FLCN: variants seen among roughly 807,000 people sequenced by gnomAD.
The protein encoded by FLCN is folliculin.
In FLCN, 22 loss-of-function variants were observed where a neutral mutation model predicts 62.5. The ratio of observed to expected loss-of-function variants is 0.35; its 90% CI spans 0.25 to 0.50. FLCN has a LOEUF of 0.50. FLCN is among the 20% of genes least tolerant of loss of function. FLCN has a pLI of 0.97. For synonymous variants in FLCN, 319 were observed against 310.0 expected (o/e 1.03, Z -0.30); for missense variants, 657 against 778.0 (o/e 0.84, Z 1.85).
intron 9 of FLCN, 106 bp downstream of exon 9, chr17:17,218,913 G>T: frequency 2.3e-6 from 3 of 1,323,202 alleles, no homozygotes; most frequent in East Asian, 4.9e-5. Flanking sequence ...GTCACTTCCT[G>T]CAGGGTTTTG....
intron 1 of FLCN, chr17:17,235,790 G>C (rs528629334): frequency 6.6e-6 from 1 of 152,230 alleles, no homozygotes; most frequent in Admixed American, 6.5e-5. Flanking sequence ...AAAACAAACT[G>C]GTTTGAGTGT....
chr17:17,221,105 C>A, intron 8 of FLCN: 2 of 1,326,562 alleles, frequency 1.5e-6, no homozygotes, highest in Middle Eastern at 2.9e-4. Context: ...GATCAGGAAC[C>A]TGGGGAAGCC....
chr17:17,215,788 GT>G (rs1483161470), intron 11 of FLCN, among the ~76,000 whole-genome samples: 1 of 152,210 alleles, frequency 6.6e-6, no homozygotes, highest in Non-Finnish European at 1.5e-5. Flanking sequence ...GGGGCTCAGG[GT>G]AGCTCCACTC....
chr17:17,232,923 T>G (rs1334864710), intron 1 of FLCN, 22 bp from the exon 2 acceptor site: 1 of 151,954 alleles, frequency 6.6e-6, no homozygotes, highest in African/African-American at 2.4e-5. Context: ...AAAAAAAAAA[T>G]TAGAGCTATT....
In FLCN at chr17:17,227,166, G is replaced by T. The variant is rs1010844091; in HGVS notation, c.249+723C>A. ...CTTGGGTTCCCGTTTGCACTGCAGT[G>T]GCAGGTCCAACACCCACCCCTGATT... On this transcript the variant is annotated intron_variant, in intron 4 of 13. Transcript: ENST00000285071. 4.6e-5 allele frequency among the ~76,000 whole-genome samples: 7 copies of T among 152,188 alleles called. No homozygotes were observed. The South Asian group carries it at 1.4e-3, about 31-fold the overall frequency.
chr17:17,231,141 A>G (rs187682513), intron 3 of FLCN, among the ~76,000 whole-genome samples: 25 of 152,346 alleles, frequency 1.6e-4, no homozygotes, highest in Admixed American at 8.5e-4. Flanking sequence ...CGAAGGTTGC[A>G]GTGAGCCAAG....
At chr17:17,213,980 C>T (rs1220546946) in intron 13 of FLCN, 124 bp from the exon 14 acceptor site, 7 of 1,047,994 alleles carry the variant, frequency 6.7e-6, no homozygotes, top group Non-Finnish European at 1.0e-5. Flanking sequence ...GAGCTGGAAT[C>T]CACACCCTTG....
At chr17:17,226,801 T>C (rs746324743) in intron 4 of FLCN, among the ~76,000 whole-genome samples, 7 of 152,124 alleles carry the variant, frequency 4.6e-5, no homozygotes, top group East Asian at 1.9e-4. Flanking sequence ...GCCCAATAAA[T>C]AGGGCGAGCA....
Position 17,213,248 on chromosome 17 carries a change from T to C in FLCN, c.*407A>G. ...ATAAGGCCCAGAAACTCTTGCTGAA[T>C]TTCAAAGTAGAAACGCTTGAATGTT... is the stretch of plus-strand genomic sequence containing the variant. On this transcript the variant is annotated 3_prime_UTR_variant, in exon 14 of 14. Coordinates refer to ENST00000285071, the MANE Select transcript of FLCN (RefSeq NM_144997.7). 1 of 397,744 alleles carries C rather than the reference T, an allele frequency of 2.5e-6. No individual in the cohort carries two copies. The highest frequency in any genetic ancestry group is 2.9e-5 in the South Asian group (1 of 34,550). The allele number at this position is 397,744 out of a possible 1,614,324, so 24.6% of individuals were successfully genotyped here. A position where few individuals can be genotyped will look rare whatever the true frequency, so the allele number is the denominator to read the frequency against.
Position 17,216,376 on chromosome 17 carries a change from G to A in FLCN, c.1300+4C>T, listed in dbSNP as rs1207963576. The A allele has an allele frequency of 5.6e-6, 9 of 1,613,228 alleles. No individual in the cohort carries two copies. The highest frequency in any genetic ancestry group is 2.2e-5 in the South Asian group (2 of 91,024). On this transcript the variant is annotated splice_donor_region_variant and intron_variant, in intron 11 of 13. Transcript: ENST00000285071. The surrounding 1 kb of genome is among the most constrained non-coding windows in gnomAD (Gnocchi z 4.0). ...ATGGCCCCACAGCCCGCGGGGGCAC[G>A]CACCTGAGGAGAGCACGTGGGGGGG... is the stretch of plus-strand genomic sequence containing the variant.
In FLCN at chr17:17,213,276, C is replaced by T. The variant is rs117436649; in HGVS notation, c.*379G>A. 170 of 425,832 alleles carry T rather than the reference C, an allele frequency of 4.0e-4. No individual in the cohort carries two copies. The East Asian group carries it at 6.0e-3, about 15-fold the overall frequency. The allele number at this position is 425,832 out of a possible 1,614,324, so 26.4% of individuals were successfully genotyped here. On this transcript the variant is annotated 3_prime_UTR_variant, in exon 14 of 14. Transcript: ENST00000285071. Reference sequence around the variant, plus strand: ...CAAAGTAGAAACGCTTGAATGTTAACCTCGGGAGCAGACATGTTATTGCGA... The same window carrying T: ...CAAAGTAGAAACGCTTGAATGTTAATCTCGGGAGCAGACATGTTATTGCGA...
intron 3 of FLCN, 31 bp from the exon 4 acceptor site, chr17:17,228,192 C>CA (rs991666279): frequency 1.9e-6 from 3 of 1,596,012 alleles, no homozygotes; most frequent in Admixed American, 3.4e-5. Flanking sequence ...GTCAGCTTGC[C>CA]AATGCCTATT....
intron 8 of FLCN, chr17:17,220,556 GGTCT>G (rs1191691752): frequency 6.6e-6 from 1 of 152,316 alleles, no homozygotes; most frequent in East Asian, 1.9e-4. Flanking sequence ...TGCGAAGCCA[GGTCT>G]GTCTGATGCC....
rs1207937065 is a variant in FLCN at position 17,237,027 on chromosome 17, G to C, written c.-343C>G. The C allele has an allele frequency of 6.6e-6, 1 of 152,200 alleles. No individual in the cohort carries two copies. Among genetic ancestry groups the C allele is most frequent in the Non-Finnish European group, 1.5e-5 (1 of 68,058 alleles). 9.4% of individuals were successfully genotyped at this position (152,200 alleles called of 1,614,324 possible). Reference sequence around the variant, plus strand: ...AGGTGGTCGCTGCGGGACCCGGACCGGCGGAATCACACCCAGAGCCCCCAA... The same window carrying C: ...AGGTGGTCGCTGCGGGACCCGGACCCGCGGAATCACACCCAGAGCCCCCAA... On this transcript the variant is annotated 5_prime_UTR_variant, in exon 1 of 14. Transcript: ENST00000285071.
At chr17:17,235,221 A>T (rs2047547855) in intron 1 of FLCN, among the ~76,000 whole-genome samples, 1 of 151,992 alleles carries the variant, frequency 6.6e-6, no homozygotes, top group African/African-American at 2.4e-5. Context: ...CGGAGGTTGC[A>T]GTGAGCTGAG....
intron 3 of FLCN, among the ~76,000 whole-genome samples, chr17:17,230,805 A>G (rs2047398112): frequency 6.6e-6 from 1 of 151,922 alleles, no homozygotes; most frequent in Non-Finnish European, 1.5e-5. Context: ...AGGCAGGAGA[A>G]TCGCTCGAAC....
chr17:17,236,623 C>G (rs960031681), intron 1 of FLCN, among the ~76,000 whole-genome samples: 1 of 152,130 alleles, frequency 6.6e-6, no homozygotes, highest in Admixed American at 6.5e-5. Flanking sequence ...CCCTCCTGAA[C>G]GCCAAACTGG....
Position 17,215,055 on chromosome 17 carries a change from G to A in FLCN, c.1468C>T (p.Leu490=). 1.2e-6 allele frequency: 2 copies of A among 1,614,200 alleles called. No homozygotes were observed. Among genetic ancestry groups the A allele is most frequent in the Non-Finnish European group, 1.7e-6 (2 of 1,180,024 alleles). Reference sequence around the variant, plus strand: ...TCCACAGACAGGTTCTGGTTGGTCAGAGCCGCTTCAATCTTATTCAGGATG... The same window carrying A: ...TCCACAGACAGGTTCTGGTTGGTCAAAGCCGCTTCAATCTTATTCAGGATG... The part of the protein sequence containing the change: ...PTILNKIEAA[L]TNQNLSVDVV... The change falls in exon 13 of 14, where the codon CTG becomes TTG. Residue 490 remains leucine (L), a synonymous_variant. Transcript: ENST00000285071.
chr17:17,229,976 A>T (rs891694348), intron 3 of FLCN, among the ~76,000 whole-genome samples: 23 of 152,352 alleles, frequency 1.5e-4, no homozygotes, highest in African/African-American at 5.3e-4. Context: ...TGGCCGCGGC[A>T]GCATGAGGCA....
Sources: gnomAD v4.1 joint callset for allele counts (sites outside exome capture counted in the v4.1 genomes callset) on GRCh38, gnomAD v4.1.1 for gene constraint, Gnocchi (gnomAD v3.1) non-coding constraint, MANE v1.5 for transcripts, NCBI Gene and HGNC (gene_info 2026-07-23, HGNC 2026-07-21) for gene names.